The following ESRRG variants were observed in gnomAD, a reference collection of about 807,000 sequenced individuals.
ESRRG encodes estrogen related receptor gamma.
ESRRG carries 13 observed loss-of-function variants against 44.0 expected under a neutral mutation model. The ratio of observed to expected loss-of-function variants is 0.30; its 90% CI spans 0.19 to 0.47. The LOEUF is 0.47. ESRRG is among the 20% of genes least tolerant of loss of function. The probability of loss-of-function intolerance (pLI) is 1.00; values close to 1 mark genes in which losing one functional copy is unlikely to be tolerated. For missense variants in ESRRG, 395 were observed against 580.6 expected, an observed-to-expected ratio of 0.68 and a Z score of 3.29; for synonymous variants, 215 against 214.6, an observed-to-expected ratio of 1.00 and a Z score of -0.02.
chr1:217,091,183 T>C (rs1021804512), upstream of ESRRG, among the ~76,000 whole-genome samples: 1 of 152,220 alleles, frequency 6.6e-6, no homozygotes, highest in Non-Finnish European at 1.5e-5. Flanking sequence ...TAGGAATTTT[T>C]ATTTTCACCG....
chr1:217,017,245 C>T (rs1361129453), intron 1 of ESRRG, among the ~76,000 whole-genome samples: 1 of 152,062 alleles, frequency 6.6e-6, no homozygotes, highest in African/African-American at 2.4e-5. Context: ...AGCTTCTACC[C>T]AGGGAGGGGG....
At chr1:216,912,896 T>C (rs186189679) in intron 2 of ESRRG, among the ~76,000 whole-genome samples, 1 of 151,734 alleles carries the variant, frequency 6.6e-6, no homozygotes, top group Admixed American at 6.6e-5. Context: ...CTGAGGTGGG[T>C]GGATCACTTG....
chr1:216,707,583 AG>A (rs2082706076), intron 1 of ESRRG: 4 of 1,241,212 alleles, frequency 3.2e-6, no homozygotes, highest in Non-Finnish European at 4.3e-6. Context: ...TATTTTATGA[AG>A]ACTGACTCCT....
At chr1:216,648,568 T>A (rs1425590942) in intron 3 of ESRRG, among the ~76,000 whole-genome samples, 1 of 152,174 alleles carries the variant, frequency 6.6e-6, no homozygotes, top group African/African-American at 2.4e-5. Flanking sequence ...CCTTCAGGAT[T>A]GTTCCTGCTA....
rs552174443 is a variant in ESRRG at position 216,731,901 on chromosome 1, C to T, written c.-13-54410G>A. Among the ~76,000 whole-genome samples, 4 of 152,152 alleles carry T rather than the reference C, an allele frequency of 2.6e-5. No individual in the cohort carries two copies. The East Asian group carries it at 7.7e-4, about 29-fold the overall frequency. On this transcript the variant is annotated intron_variant, in intron 2 of 7. Transcript: ENST00000359162. ...TTCAGTTACCAGTTGAATTCGGAAA[C>T]TAAATAAATCAAAGACCATTTTCAT...
intron 2 of ESRRG, among the ~76,000 whole-genome samples, chr1:216,822,697 G>A (rs759389478): frequency 6.6e-6 from 1 of 152,184 alleles, no homozygotes; most frequent in Non-Finnish European, 1.5e-5. Flanking sequence ...TGGGCCAATA[G>A]CTGTTGAAAC....
intron 1 of ESRRG, among the ~76,000 whole-genome samples, chr1:216,966,701 G>A (rs1010100750): frequency 6.6e-6 from 1 of 152,042 alleles, no homozygotes; most frequent in African/African-American, 2.4e-5. Context: ...GGGAACCTCA[G>A]TCTACTTCAG....
At chr1:216,923,591 C>T (rs1318329441) in intron 2 of ESRRG, among the ~76,000 whole-genome samples, 5 of 151,832 alleles carry the variant, frequency 3.3e-5, no homozygotes, top group South Asian at 4.2e-4. Context: ...TTGGTGGAGT[C>T]GGCAGATCCG....
chr1:216,514,034 C>T (rs181397590), intron 6 of ESRRG, among the ~76,000 whole-genome samples: 3 of 152,122 alleles, frequency 2.0e-5, no homozygotes, highest in East Asian at 3.9e-4. Flanking sequence ...CACATATTAC[C>T]CAGGTATTTA....
intron 2 of ESRRG, among the ~76,000 whole-genome samples, chr1:216,917,434 C>T (rs2061337746): frequency 6.6e-6 from 1 of 152,156 alleles, no homozygotes; most frequent in Non-Finnish European, 1.5e-5. Flanking sequence ...TTATGTTTCT[C>T]ATCCATTAAA....
In ESRRG at chr1:216,536,730, G is replaced by A. The variant is rs539509990; in HGVS notation, c.863-17309C>T. 1.5e-4 allele frequency among the ~76,000 whole-genome samples: 23 copies of A among 152,152 alleles called. No homozygotes were observed. In the South Asian group the frequency reaches 4.8e-3, roughly 32 times the overall value. On this transcript the variant is annotated intron_variant, in intron 5 of 6. Transcript: ENST00000408911. Reference sequence around the variant, plus strand: ...ACTATTAAAATTTGTAAAATTCACTGAGTACTAAATTCCAGTCACCATGCT... The same window carrying A: ...ACTATTAAAATTTGTAAAATTCACTAAGTACTAAATTCCAGTCACCATGCT...
intron 2 of ESRRG, chr1:216,864,454 T>C (rs894281822): frequency 3.9e-5 from 6 of 152,096 alleles, no homozygotes; most frequent in Admixed American, 6.6e-5. Context: ...ATGTCTGCTA[T>C]TGGATGAGGG....
At chr1:217,078,713 A>G (rs1026474577) in intron 1 of ESRRG, among the ~76,000 whole-genome samples, 4 of 152,200 alleles carry the variant, frequency 2.6e-5, no homozygotes, top group African/African-American at 9.7e-5. Context: ...TTTAAAATGA[A>G]TCAGGATTTT....
At chr1:216,585,766 T>A (rs1432623303) in intron 3 of ESRRG, among the ~76,000 whole-genome samples, 1 of 152,134 alleles carries the variant, frequency 6.6e-6, no homozygotes, top group Non-Finnish European at 1.5e-5. Flanking sequence ...TAGCTAAATT[T>A]TATATTTAAA....
chr1:216,924,542 CCT>C (rs1487503053), intron 2 of ESRRG, among the ~76,000 whole-genome samples: 35 of 152,180 alleles, frequency 2.3e-4, no homozygotes, highest in Admixed American at 6.5e-5. Flanking sequence ...TAAAATCCAG[CCT>C]AGAAGGAAAA....
At chr1:216,947,674 T>G (rs2066273569) in intron 1 of ESRRG, among the ~76,000 whole-genome samples, 1 of 152,202 alleles carries the variant, frequency 6.6e-6, no homozygotes, top group African/African-American at 2.4e-5. Context: ...GAAAAGCGTT[T>G]TTCTTTCATT....
At chr1:216,605,777 A>T (rs1412901122) in intron 3 of ESRRG, among the ~76,000 whole-genome samples, 4 of 152,094 alleles carry the variant, frequency 2.6e-5, no homozygotes, top group African/African-American at 7.2e-5. Context: ...TAAAAATTTC[A>T]ATGAAACTAT....
At chr1:216,733,849 G>T (rs1281064525) in intron 2 of ESRRG, among the ~76,000 whole-genome samples, 1 of 151,966 alleles carries the variant, frequency 6.6e-6, no homozygotes, top group Non-Finnish European at 1.5e-5. Context: ...AATTAGCCAG[G>T]TGTGGTGGTG....
At chr1:216,892,547 T>C (rs2057938501) in intron 2 of ESRRG, among the ~76,000 whole-genome samples, 1 of 152,228 alleles carries the variant, frequency 6.6e-6, no homozygotes, top group African/African-American at 2.4e-5. Flanking sequence ...CAGTTCCTTC[T>C]ATCCTCTTTA....
Sources: gnomAD v4.1 joint callset for allele counts (sites outside exome capture counted in the v4.1 genomes callset) on GRCh38, gnomAD v4.1.1 for gene constraint, MANE v1.5 for transcripts, NCBI Gene and HGNC (gene_info 2026-07-23, HGNC 2026-07-21) for gene names.